The following ARID1A variants were observed in gnomAD, a reference collection of about 807,000 sequenced individuals.
ARID1A encodes the protein AT-rich interaction domain 1A, also known as AT-rich interactive domain-containing protein 1A.
Under a neutral mutation model 212.6 loss-of-function variants are expected in ARID1A, and 20 were observed. The ratio of observed to expected loss-of-function variants is 0.09; its 90% confidence interval spans 0.07 to 0.14. The LOEUF is 0.14. Ranked by LOEUF, ARID1A falls within the 10% of genes least tolerant of loss-of-function variation. ARID1A has a pLI of 1.00. For missense variants in ARID1A, 2,587 were observed against 3,059.0 expected (o/e 0.85, Z 3.64); for synonymous variants, 1,376 against 1,222.1 (o/e 1.13, Z -2.63).
intron 2 of ARID1A, among the ~76,000 whole-genome samples, chr1:26,730,069 GT>G (rs2080658875): frequency 6.6e-6 from 1 of 152,140 alleles, no homozygotes; most frequent in Non-Finnish European, 1.5e-5. Context: ...TTACTCCCTG[GT>G]CACAGGTACG....
At chr1:26,732,223 G>A (rs2080685318) in intron 3 of ARID1A, among the ~76,000 whole-genome samples, 1 of 152,172 alleles carries the variant, frequency 6.6e-6, no homozygotes, top group Non-Finnish European at 1.5e-5. Context: ...TTTTTGTAGA[G>A]CCCAAAGAAA....
chr1:26,762,882 T>C, intron 7 of ARID1A, 91 bp from the exon 8 acceptor site: 1 of 1,265,552 alleles, frequency 7.9e-7, no homozygotes, highest in East Asian at 2.5e-5. Flanking sequence ...AACCAAAATA[T>C]TGAATGACAT....
rs751706703 is a variant in ARID1A at position 26,780,948 on chromosome 1, G to A, written c.*192G>A. 36 of 751,676 alleles carry A rather than the reference G, an allele frequency of 4.8e-5. No individual in the cohort carries two copies. Among genetic ancestry groups the A allele is most frequent in the Non-Finnish European group, 6.4e-5 (31 of 487,632 alleles). The allele number at this position is 751,676 out of a possible 1,614,324, so 46.6% of individuals were successfully genotyped here. Reference sequence around the variant, plus strand: ...ACCTCCCCTCCCTCCATCACCTCACGCCTTTCTGTTCCTTGTCCTCACCTT... The same window carrying A: ...ACCTCCCCTCCCTCCATCACCTCACACCTTTCTGTTCCTTGTCCTCACCTT... On this transcript the variant is annotated 3_prime_UTR_variant, in exon 20 of 20. Transcript: ENST00000324856. The surrounding 1 kb of genome is among the most constrained non-coding windows in gnomAD (Gnocchi z 7.2).
chr1:26,763,648 T>C (rs1385111878), intron 8 of ARID1A, among the ~76,000 whole-genome samples: 1 of 152,172 alleles, frequency 6.6e-6, no homozygotes, highest in Non-Finnish European at 1.5e-5. Context: ...CGCACGCCTG[T>C]AATCCCGGCT....
chr1:26,718,573 A>G (rs1236439376), intron 1 of ARID1A, among the ~76,000 whole-genome samples: 1 of 152,208 alleles, frequency 6.6e-6, no homozygotes, highest in Admixed American at 6.5e-5. Flanking sequence ...ATAAAATTGC[A>G]TGGTATTTGC....
chr1:26,775,696 A>G lies in ARID1A; in HGVS notation c.5113A>G (p.Asn1705Asp), dbSNP rs1326950294. 6.2e-7 allele frequency: 1 copy of G among 1,614,240 alleles called. No homozygotes were observed. The highest frequency in any genetic ancestry group is 1.1e-5 in the South Asian group (1 of 91,086). ...LYDDNSIMTFNLSQLPGLLEL... is the reference protein window; with the variant it reads ...LYDDNSIMTFDLSQLPGLLEL... Reference sequence around the variant, plus strand: ...TGATGACAACAGCATCATGACCTTCAACCTCAGTCAGGTGAGTATCAGTGC... The same window carrying G: ...TGATGACAACAGCATCATGACCTTCGACCTCAGTCAGGTGAGTATCAGTGC... The change falls in exon 19 of 20, where the codon AAC (asparagine) becomes GAC (aspartate). Residue 1705 changes from asparagine to aspartate, a missense_variant. This residue lies in a region of ARID1A where 890 missense variants were observed against 1,098.2 expected (regional missense o/e 0.81). Coordinates refer to ENST00000324856, the MANE Select transcript of ARID1A (RefSeq NM_006015.6).
chr1:26,763,898 C>G (rs892649670), intron 8 of ARID1A, among the ~76,000 whole-genome samples: 1 of 152,190 alleles, frequency 6.6e-6, no homozygotes, highest in Non-Finnish European at 1.5e-5. Flanking sequence ...AAGTGATCCT[C>G]CCACCTCAGC....
At position 26,774,740 on chromosome 1, in the gene ARID1A, A is replaced by G. The variant is rs753094331; in HGVS notation, c.4513A>G (p.Thr1505Ala). The G allele has an allele frequency of 1.9e-6, 3 of 1,614,054 alleles. No individual in the cohort carries two copies. The highest frequency in any genetic ancestry group is 1.1e-5 in the South Asian group (1 of 91,086). Residue 1505 changes from threonine to alanine, a missense_variant, in exon 18 of 20, where the codon ACC (threonine) becomes GCC (alanine). Transcript: ENST00000324856. The surrounding 1 kb of genome is among the most constrained non-coding windows in gnomAD (Gnocchi z 5.6). ...GTMWQGRNDMTYNYANRQSTG... is the reference protein window; with the variant it reads ...GTMWQGRNDMAYNYANRQSTG... ...CATGTGGCAGGGGCGTAATGACATG[A>G]CCTATAATTATGCCAACAGGCAGAG...
chr1:26,754,505 C>T (rs973157778), intron 4 of ARID1A, among the ~76,000 whole-genome samples: 2 of 152,150 alleles, frequency 1.3e-5, no homozygotes, highest in Non-Finnish European at 2.9e-5. Flanking sequence ...AGGGGGGATT[C>T]ATGCATATGC....
At position 26,739,687 on chromosome 1, in the gene ARID1A, G is replaced by A. The variant is rs375397103; in HGVS notation, c.1920+6895G>A. On this transcript the variant is annotated intron_variant, in intron 4 of 19. Coordinates refer to ENST00000324856, the MANE Select transcript of ARID1A (RefSeq NM_006015.6). The stretch of plus-strand genomic sequence containing the variant: ...TGTGGCCTCAGTGCAGTTTATTCCT[G>A]GGTAACGGAGCCCTTGCCCTGCCAG... Among the ~76,000 whole-genome samples the A allele has an allele frequency of 3.9e-5, 6 of 152,278 alleles. No individual in the cohort carries two copies. The South Asian group carries it at 6.2e-4, about 16-fold the overall frequency.
intron 7 of ARID1A, 45 bp downstream of exon 7, chr1:26,762,364 A>T (rs2081000658): frequency 6.3e-7 from 1 of 1,579,440 alleles, no homozygotes; most frequent in Non-Finnish European, 8.6e-7. Context: ...TGAGAGGAGA[A>T]AACAGTTCCT....
Position 26,775,276 on chromosome 1 carries a change from T to C in ARID1A, c.4993+56T>C, listed in dbSNP as rs976087288. The C allele has an allele frequency of 2.4e-5, 36 of 1,518,684 alleles. No homozygotes were observed. The African/African-American group carries it at 3.6e-4, about 15-fold the overall frequency. The allele number at this position is 1,518,684 out of a possible 1,614,324, so 94.1% of individuals were successfully genotyped here. On this transcript the variant is annotated intron_variant, in intron 18 of 19. Coordinates refer to ENST00000324856, the MANE Select transcript of ARID1A (RefSeq NM_006015.6). ...ATCTGCCCCTTTCCATCTTGTCCAT[T>C]GTTCCCTCCACCTTACTATTCTGGA...
intron 2 of ARID1A, 63 bp downstream of exon 2, chr1:26,729,926 A>G: frequency 6.4e-7 from 1 of 1,552,742 alleles, no homozygotes; most frequent in Non-Finnish European, 8.8e-7. Context: ...TGTGAGCTAT[A>G]GAATCAGAAT....
chr1:26,743,353 C>T (rs2080806645), intron 4 of ARID1A, among the ~76,000 whole-genome samples: 2 of 152,096 alleles, frequency 1.3e-5, no homozygotes, highest in African/African-American at 4.8e-5. Context: ...TTGGCATAGC[C>T]TTATGCTGGT....
At chr1:26,740,128 G>A (rs1333185335) in intron 4 of ARID1A, among the ~76,000 whole-genome samples, 2 of 152,188 alleles carry the variant, frequency 1.3e-5, no homozygotes, top group Non-Finnish European at 2.9e-5. Flanking sequence ...GAGGAGAGAT[G>A]TAGGTAAGTT....
intron 4 of ARID1A, among the ~76,000 whole-genome samples, chr1:26,760,564 C>T (rs1020966377): frequency 1.3e-5 from 2 of 152,066 alleles, no homozygotes; most frequent in African/African-American, 4.8e-5. Flanking sequence ...TGGTGCTTGC[C>T]TGTAATCCCA....
At chr1:26,707,119 C>T (rs892786919) in intron 1 of ARID1A, among the ~76,000 whole-genome samples, 1 of 151,624 alleles carries the variant, frequency 6.6e-6, no homozygotes, top group Non-Finnish European at 1.5e-5. Context: ...CTGCAGTCTC[C>T]GCCTCCTGGG....
chr1:26,766,827 A>G (rs2081044019), intron 10 of ARID1A, among the ~76,000 whole-genome samples: 1 of 152,186 alleles, frequency 6.6e-6, no homozygotes, highest in African/African-American at 2.4e-5. Flanking sequence ...AATGCCAGAC[A>G]CTGCAGCATC....
At chr1:26,741,479 C>G (rs764883043) in intron 4 of ARID1A, among the ~76,000 whole-genome samples, 1 of 152,028 alleles carries the variant, frequency 6.6e-6, no homozygotes, top group Non-Finnish European at 1.5e-5. Flanking sequence ...CCCAAAGACC[C>G]GCATGTGTAT....
Sources: allele counts gnomAD v4.1 joint callset (sites outside exome capture counted in the v4.1 genomes callset), GRCh38; gene constraint gnomAD v4.1.1; regional missense constraint gnomAD v4.1.1; non-coding constraint Gnocchi (gnomAD v3.1); transcripts MANE v1.5; gene names NCBI Gene and HGNC (gene_info 2026-07-23, HGNC 2026-07-21).